The following TBX10 variants were observed in gnomAD, a reference collection of about 807,000 sequenced individuals.
TBX10 encodes the protein T-box transcription factor 10.
TBX10 carries 26 observed loss-of-function variants against 32.4 expected under a neutral mutation model. That is an observed-to-expected ratio of 0.80 (90% confidence interval 0.59 to 1.11). TBX10 has a LOEUF of 1.11. Among genes scored for constraint, TBX10 ranks in the 50% most tolerant of loss-of-function variants. The pLI is 0.00. For missense variants in TBX10, 490 were observed against 494.5 expected, an observed-to-expected ratio of 0.99 and a Z score of 0.09; for synonymous variants, 195 against 203.1, an observed-to-expected ratio of 0.96 and a Z score of 0.34.
At position 67,635,271 on chromosome 11, in the gene TBX10, G is replaced by A. The variant is rs1855309792; in HGVS notation, c.8-8C>T. 2 of 1,613,118 alleles carry A rather than the reference G, an allele frequency of 1.2e-6. No homozygotes were observed. Among genetic ancestry groups the A allele is most frequent in the Non-Finnish European group, 1.7e-6 (2 of 1,179,988 alleles). On this transcript the variant is annotated splice_polypyrimidine_tract_variant and splice_region_variant and intron_variant, in intron 1 of 7. Transcript: ENST00000335385. The stretch of plus-strand genomic sequence containing the variant: ...GGCCAGCAGATAGGAAGGCTGTGGA[G>A]AGAGGACGGAAGTGTGGGCCCCACG...
intron 1 of TBX10, among the ~76,000 whole-genome samples, chr11:67,638,959 G>A (rs1325366989): frequency 2.0e-5 from 3 of 152,212 alleles, no homozygotes; most frequent in African/African-American, 2.4e-5. Context: ...AGGCTTTGCC[G>A]GTGGTCACTG....
In TBX10 at chr11:67,633,052, C is replaced by A. The variant is rs376880264; in HGVS notation, c.601G>T (p.Val201Leu). The A allele has an allele frequency of 3.1e-6, 5 of 1,614,018 alleles. No individual in the cohort carries two copies. The change falls in exon 5 of 8, where the codon GTG (valine) becomes TTG (leucine). Residue 201 changes from valine to leucine, a missense_variant. Transcript: ENST00000335385. ...RYQPRFHVVF[V>L]DPRKDSERYA... ...CGCTCACTGTCCTTGCGTGGGTCCACGAAGACCACGTGGAAACGGGGCTGG... is the reference window on the plus strand; with the variant it reads ...CGCTCACTGTCCTTGCGTGGGTCCAAGAAGACCACGTGGAAACGGGGCTGG...
chr11:67,639,393 T>TGCCCCCCCCCCCCCCCCCCC, intron 1 of TBX10, 73 bp downstream of exon 1: 1 of 726,918 alleles, frequency 1.4e-6, no homozygotes, highest in Non-Finnish European at 2.5e-6. Flanking sequence ...CTGTCTTGGT[T>TGCCCCCCCCCCCCCCCCCCC]CCCACCCTGC....
chr11:67,638,409 A>G (rs1197121773), intron 1 of TBX10, among the ~76,000 whole-genome samples: 1 of 152,094 alleles, frequency 6.6e-6, no homozygotes, highest in African/African-American at 2.4e-5. Flanking sequence ...GAGTCAGGGG[A>G]CAAGGTTTTA....
chr11:67,639,499 G>A lies in TBX10; in HGVS notation c.-27C>T. Reference sequence around the variant, plus strand: ...GAGACAGAGAGGCTGTCCGGCTCCTGGAGAAACACTGCTTGGCTGGGGCTG... The same window carrying A: ...GAGACAGAGAGGCTGTCCGGCTCCTAGAGAAACACTGCTTGGCTGGGGCTG... On this transcript the variant is annotated 5_prime_UTR_variant, in exon 1 of 8. Coordinates refer to ENST00000335385, the MANE Select transcript of TBX10 (RefSeq NM_005995.5). 1.2e-6 allele frequency: 2 copies of A among 1,607,198 alleles called. No individual in the cohort carries two copies. The highest frequency in any genetic ancestry group is 8.5e-7 in the Non-Finnish European group (1 of 1,177,118).
chr11:67,640,136 G>C (rs1855385115), upstream of TBX10, among the ~76,000 whole-genome samples: 1 of 151,936 alleles, frequency 6.6e-6, no homozygotes, highest in African/African-American at 2.4e-5. Flanking sequence ...GGAGCAGTGT[G>C]AGCAGGAAAC....
Position 67,631,471 on chromosome 11 carries a change from C to T in TBX10, c.*134G>A, listed in dbSNP as rs143461859. The T allele has an allele frequency of 7.7e-5, 92 of 1,199,822 alleles. No homozygotes were observed. In the African/African-American group the frequency reaches 1.3e-3, roughly 17 times the overall value. 74.3% of individuals were successfully genotyped at this position (1,199,822 alleles called of 1,614,324 possible). On this transcript the variant is annotated 3_prime_UTR_variant, in exon 8 of 8. Transcript: ENST00000335385. ...CCTTGCTGTGACCCTGGGCAGGTAG[C>T]CTCTTTCTCTAGACTTTCACCTACC...
chr11:67,636,767 G>A (rs1048237759), intron 1 of TBX10, among the ~76,000 whole-genome samples: 5 of 152,134 alleles, frequency 3.3e-5, no homozygotes, highest in Non-Finnish European at 5.9e-5. Context: ...CAAAGTGCTG[G>A]GGTTACAGGC....
At position 67,638,843 on chromosome 11, in the gene TBX10, C is replaced by G. The variant is rs527405117; in HGVS notation, c.7+623G>C. ...CATCAGAAGGGTAGCTGGTTGTCGC[C>G]CGGCTGCCCTGCTGGGGCGGGTACG... On this transcript the variant is annotated intron_variant, in intron 1 of 7. Transcript: ENST00000335385. 4.6e-5 allele frequency among the ~76,000 whole-genome samples: 7 copies of G among 152,264 alleles called. 1 individual carries two copies. The South Asian group carries it at 1.5e-3, about 32-fold the overall frequency.
chr11:67,637,238 A>C (rs1855343731), intron 1 of TBX10, among the ~76,000 whole-genome samples: 1 of 152,338 alleles, frequency 6.6e-6, no homozygotes, highest in East Asian at 1.9e-4. Context: ...GCAAGATGCA[A>C]AATGTTCTAG....
Position 67,633,028 on chromosome 11 carries a change from G to T in TBX10, c.625C>A (p.Arg209Ser). Residue 209 changes from arginine (R) to serine (S), a missense_variant, in exon 5 of 8, where the codon CGC becomes AGC. Transcript: ENST00000335385. The stretch of plus-strand genomic sequence containing the variant: ...GACTTGAAGTTCTCCTGGGCATAGC[G>T]CTCACTGTCCTTGCGTGGGTCCACG... ...VFVDPRKDSE[R>S]YAQENFKSFI... 3.1e-6 allele frequency: 5 copies of T among 1,614,176 alleles called. No individual in the cohort carries two copies. In the South Asian group the frequency reaches 5.5e-5, roughly 18 times the overall value.
At chr11:67,635,345 C>T (rs1302247097) in intron 1 of TBX10, 82 bp from the exon 2 acceptor site, 4 of 1,588,904 alleles carry the variant, frequency 2.5e-6, no homozygotes, top group African/African-American at 1.3e-5. Flanking sequence ...TATGCCTCTT[C>T]CTCCAGGAAG....
At chr11:67,633,464 C>A (rs531447748) in intron 4 of TBX10, among the ~76,000 whole-genome samples, 20 of 152,278 alleles carry the variant, frequency 1.3e-4, no homozygotes, top group African/African-American at 4.6e-4. Flanking sequence ...CATCATATGC[C>A]CCCTGCTCCT....
Position 67,635,067 on chromosome 11 carries a change from C to G in TBX10, c.204G>C (p.Gln68His). The G allele has an allele frequency of 6.2e-7, 1 of 1,613,890 alleles. No homozygotes were observed. Among genetic ancestry groups the G allele is most frequent in the Non-Finnish European group, 8.5e-7 (1 of 1,180,042 alleles). ...KNPRVSRVTV[Q>H]LEMKPLWEEF... ...CCTCCCACAGAGGCTTCATCTCCAG[C>G]TGAACTGTCACTCTGGACACACGTG... The change falls in exon 2 of 8, where the codon CAG (glutamine) becomes CAC (histidine). Residue 68 changes from glutamine to histidine, a missense_variant. Gln to His is a conservative substitution (Grantham distance 24). This residue lies in a region of TBX10 where 307 missense variants were observed against 294.9 expected (regional missense o/e 1.04). Coordinates refer to ENST00000335385, the MANE Select transcript of TBX10 (RefSeq NM_005995.5).
upstream of TBX10, among the ~76,000 whole-genome samples, chr11:67,639,771 G>A (rs533018804): frequency 1.9e-4 from 29 of 152,340 alleles, no homozygotes; most frequent in African/African-American, 6.7e-4. Flanking sequence ...GCTGTCCAAG[G>A]CTGTGCGGGA....
chr11:67,635,256 TAGGA>T lies in TBX10; in HGVS notation c.11_14del (p.Phe4TyrfsTer61). The T allele has an allele frequency of 6.2e-7, 1 of 1,613,314 alleles. No homozygotes were observed. Among genetic ancestry groups the T allele is most frequent in the Non-Finnish European group, 8.5e-7 (1 of 1,179,978 alleles). ...GTGCAAGTATGCCGAGGCCAGCAGA[TAGGA>T]AGGCTGTGGAGAGAGGACGGAAGTG... On this transcript the variant is annotated frameshift_variant, in exon 2 of 8. Coordinates refer to ENST00000335385, the MANE Select transcript of TBX10 (RefSeq NM_005995.5). LOFTEE classifies it high-confidence loss of function.
At position 67,632,433 on chromosome 11, in the gene TBX10, G is replaced by T. The variant is rs552335622; in HGVS notation, c.774-21C>A. 60 of 1,603,620 alleles carry T rather than the reference G, an allele frequency of 3.7e-5. 1 individual carries two copies. The African/African-American group carries it at 6.2e-4, about 17-fold the overall frequency. ...CAGGCCTGAAAGAGCAAGCGAGAAT[G>T]GGGGGAGGGGATCAAGGGGAAGAAC... On this transcript the variant is annotated intron_variant, in intron 6 of 7. Coordinates refer to ENST00000335385, the MANE Select transcript of TBX10 (RefSeq NM_005995.5).
At chr11:67,638,172 C>T (rs919574803) in intron 1 of TBX10, among the ~76,000 whole-genome samples, 30 of 151,604 alleles carry the variant, frequency 2.0e-4, no homozygotes, top group African/African-American at 7.3e-4. Context: ...CACACCACTG[C>T]ACTCCAGCCT....
In TBX10 at chr11:67,639,577, C is replaced by T. The variant is rs909953430; in HGVS notation, c.-105G>A. 221 of 1,464,816 alleles carry T rather than the reference C, an allele frequency of 1.5e-4. No homozygotes were observed. Among genetic ancestry groups the T allele is most frequent in the Non-Finnish European group, 1.9e-4 (203 of 1,055,564 alleles). The allele number at this position is 1,464,816 out of a possible 1,614,324, so 90.7% of individuals were successfully genotyped here. A position where few individuals can be genotyped will look rare whatever the true frequency, so the allele number is the denominator to read the frequency against. ...ACCACTCGTCCACTCGGCACCTCAG[C>T]TCAGCCCTCAGGTGCTCACACAAGC... On this transcript the variant is annotated 5_prime_UTR_variant, in exon 1 of 8. Transcript: ENST00000335385.
Sources: gnomAD v4.1 joint callset for allele counts (sites outside exome capture counted in the v4.1 genomes callset) on GRCh38, gnomAD v4.1.1 for gene constraint, gnomAD v4.1.1 regional missense constraint, MANE v1.5 for transcripts, NCBI Gene and HGNC (gene_info 2026-07-23, HGNC 2026-07-21) for gene names.